The following ZFP90 variants were observed in gnomAD, a reference collection of about 807,000 sequenced individuals.
The protein encoded by ZFP90 is zinc finger protein 90 homolog.
A neutral mutation model predicts 60.8 loss-of-function variants in ZFP90; 38 were observed. The ratio of observed to expected loss-of-function variants is 0.62; its 90% CI spans 0.48 to 0.82. The LOEUF (loss-of-function observed/expected upper bound fraction) is 0.82. Among genes scored for constraint, ZFP90 ranks in the 40% least tolerant of loss-of-function variants. The pLI is 0.00. For synonymous variants in ZFP90, 287 were observed against 264.8 expected (o/e 1.08, Z -0.82); for missense variants, 711 against 759.1 (o/e 0.94, Z 0.74).
chr16:68,566,665 A>G lies in ZFP90; in HGVS notation c.*1967A>G, dbSNP rs963258188. The G allele has an allele frequency of 1.5e-5, 15 of 985,440 alleles. No homozygotes were observed. The highest frequency in any genetic ancestry group is 1.1e-4 in the East Asian group (1 of 8,968). 61.0% of individuals were successfully genotyped at this position (985,440 alleles called of 1,614,324 possible). On this transcript the variant is annotated 3_prime_UTR_variant, in exon 5 of 5. Transcript: ENST00000563169. ...GTGCACCATGATTAGCTCACACACA[A>G]TGCCAAGGCTGTGCTTCTATTATCT...
chr16:68,540,356 A>G (rs1229984445), intron 2 of ZFP90, among the ~76,000 whole-genome samples: 1 of 152,134 alleles, frequency 6.6e-6, no homozygotes, highest in Non-Finnish European at 1.5e-5. Context: ...AAATAAAACC[A>G]GGGCTGATTC....
intron 2 of ZFP90, among the ~76,000 whole-genome samples, chr16:68,548,935 A>G (rs1363983729): frequency 6.6e-6 from 1 of 152,052 alleles, no homozygotes; most frequent in Non-Finnish European, 1.5e-5. Context: ...TCTGTTTTTT[A>G]TAATCCAAGA....
intron 1 of ZFP90, chr16:68,533,577 TTC>T (rs796689432): frequency 1.2e-4 from 18 of 152,372 alleles, no homozygotes; most frequent in African/African-American, 3.6e-4. Context: ...GTTGATGACA[TTC>T]TGTTTTTTGT....
chr16:68,542,505 C>T (rs560945990), intron 2 of ZFP90, among the ~76,000 whole-genome samples: 3 of 152,132 alleles, frequency 2.0e-5, no homozygotes, highest in African/African-American at 4.8e-5. Context: ...GCAGGAGAAT[C>T]GCTTGAACCT....
chr16:68,555,911 C>A (rs775395812), intron 2 of ZFP90, among the ~76,000 whole-genome samples: 1 of 152,186 alleles, frequency 6.6e-6, no homozygotes, highest in Non-Finnish European at 1.5e-5. Context: ...CTCTGTGAAA[C>A]CTTCCCTCAC....
At chr16:68,567,231 G>A (rs1309195841), downstream of ZFP90, 1 of 875,618 alleles carries the variant, frequency 1.1e-6, no homozygotes, top group African/African-American at 1.8e-5. Flanking sequence ...TCACAGCCAG[G>A]TGAGTTAATA....
chr16:68,539,854 C>T (rs750079206), intron 2 of ZFP90, 29 bp downstream of exon 2: 26 of 1,601,826 alleles, frequency 1.6e-5, no homozygotes, highest in African/African-American at 9.4e-5. Context: ...ACCTCCTGGG[C>T]ATCCCATCCA....
At chr16:68,548,833 A>C in intron 2 of ZFP90, among the ~76,000 whole-genome samples, 1 of 151,784 alleles carries the variant, frequency 6.6e-6, no homozygotes, top group East Asian at 1.9e-4. Context: ...ATTTCTTCTT[A>C]CTCGATTTAT....
In ZFP90 at chr16:68,566,344, A is replaced by G. The variant is rs2091526560; in HGVS notation, c.*1646A>G. 4 of 985,468 alleles carry G rather than the reference A, an allele frequency of 4.1e-6. No individual in the cohort carries two copies. Among genetic ancestry groups the G allele is most frequent in the Non-Finnish European group, 4.8e-6 (4 of 829,938 alleles). 61.0% of individuals were successfully genotyped at this position (985,468 alleles called of 1,614,324 possible). A position where few individuals can be genotyped will look rare whatever the true frequency, so the allele number is the denominator to read the frequency against. ...AAGAGCTGCCTCCCAAAGATAGATA[A>G]ATTTTCCCAGCCCTAAATATGAATC... On this transcript the variant is annotated 3_prime_UTR_variant, in exon 5 of 5. Coordinates refer to ENST00000563169, the MANE Select transcript of ZFP90 (RefSeq NM_001305203.2).
downstream of ZFP90, among the ~76,000 whole-genome samples, chr16:68,569,005 A>T (rs1423827202): frequency 6.6e-6 from 1 of 151,670 alleles, no homozygotes; most frequent in Non-Finnish European, 1.5e-5. Context: ...ATAATTTAAC[A>T]TACAGTTTTT....
chr16:68,566,024 C>G lies in ZFP90; in HGVS notation c.*1326C>G. ...TGGCATGCAGTGGTAGTCCCAGCTA[C>G]TCAGGAGGCTGAGGTGGGAGGATCA... On this transcript the variant is annotated 3_prime_UTR_variant, in exon 5 of 5. Coordinates refer to ENST00000563169, the MANE Select transcript of ZFP90 (RefSeq NM_001305203.2). 1 of 817,208 alleles carries G rather than the reference C, an allele frequency of 1.2e-6. No individual in the cohort carries two copies. Among genetic ancestry groups the G allele is most frequent in the Non-Finnish European group, 1.5e-6 (1 of 676,566 alleles). 50.6% of individuals were successfully genotyped at this position (817,208 alleles called of 1,614,324 possible). A position where few individuals can be genotyped will look rare whatever the true frequency, so the allele number is the denominator to read the frequency against.
In ZFP90 at chr16:68,539,333, G is replaced by C. The variant is rs1295711207; in HGVS notation, c.-182G>C. On this transcript the variant is annotated 5_prime_UTR_variant, in exon 1 of 5. Transcript: ENST00000563169. ...ACCGCTGCGGCCATTGTCCGACCCC[G>C]GTGCGGCTGAGGCCCCTTTGGGCAG... The C allele has an allele frequency of 1.4e-4, 25 of 176,022 alleles. No individual in the cohort carries two copies. The Admixed American group carries it at 1.5e-3, about 11-fold the overall frequency. 10.9% of individuals were successfully genotyped at this position (176,022 alleles called of 1,614,324 possible). A position where few individuals can be genotyped will look rare whatever the true frequency, so the allele number is the denominator to read the frequency against.
upstream of ZFP90, among the ~76,000 whole-genome samples, chr16:68,538,638 G>A (rs1481791312): frequency 1.3e-5 from 2 of 151,698 alleles, no homozygotes; most frequent in African/African-American, 4.8e-5. Flanking sequence ...CCCAGGAGGC[G>A]GAGGCTGCGG....
chr16:68,562,829 C>T (rs1705120832), intron 4 of ZFP90: 5 of 1,075,322 alleles, frequency 4.6e-6, no homozygotes, highest in Non-Finnish European at 6.5e-6. Flanking sequence ...GATGGGCTTT[C>T]CTCATTCTCT....
chr16:68,573,023 G>T (rs2091575921), intron 2 of ZFP90, among the ~76,000 whole-genome samples: 1 of 152,214 alleles, frequency 6.6e-6, no homozygotes, highest in African/African-American at 2.4e-5. Flanking sequence ...GATTTCAGTG[G>T]TTCCTGGATA....
chr16:68,549,182 C>A (rs995572095), intron 2 of ZFP90, among the ~76,000 whole-genome samples: 1 of 152,076 alleles, frequency 6.6e-6, no homozygotes. Flanking sequence ...TGAGAGTGCA[C>A]GTAAATGACT....
upstream of ZFP90, among the ~76,000 whole-genome samples, chr16:68,536,980 C>T (rs1328877564): frequency 6.6e-6 from 1 of 152,220 alleles, no homozygotes; most frequent in African/African-American, 2.4e-5. Flanking sequence ...TGCTCACTCT[C>T]TTATCCCTCA....
chr16:68,573,497 A>C (rs569865915), intron 2 of ZFP90, among the ~76,000 whole-genome samples: 5 of 152,218 alleles, frequency 3.3e-5, no homozygotes, highest in Non-Finnish European at 2.9e-5. Context: ...ACAAAACTCT[A>C]TATATATATG....
At chr16:68,562,357 T>C (rs2091452029) in intron 4 of ZFP90, 1 of 152,310 alleles carries the variant, frequency 6.6e-6, no homozygotes, top group African/African-American at 2.4e-5. Flanking sequence ...ATCAGTGTTC[T>C]GAAGTAAAAA....
Sources: gnomAD v4.1 joint callset for allele counts (sites outside exome capture counted in the v4.1 genomes callset) on GRCh38, gnomAD v4.1.1 for gene constraint, MANE v1.5 for transcripts, NCBI Gene and HGNC (gene_info 2026-07-23, HGNC 2026-07-21) for gene names.